LAMB3: variants seen among roughly 807,000 people sequenced by gnomAD.
LAMB3 encodes the protein laminin subunit beta-3.
In LAMB3, 104 loss-of-function variants were observed where a neutral mutation model predicts 140.3. The ratio of observed to expected loss-of-function variants is 0.74; its 90% CI spans 0.63 to 0.87. LAMB3 has a LOEUF of 0.87. Among genes scored for constraint, LAMB3 ranks in the 40% least tolerant of loss-of-function variants. The probability of loss-of-function intolerance (pLI) is 0.00; values close to 1 mark genes in which losing one functional copy is unlikely to be tolerated. For missense variants in LAMB3, 1,531 were observed against 1,575.2 expected (o/e 0.97, Z 0.47); for synonymous variants, 592 against 602.9 (o/e 0.98, Z 0.26).
chr1:209,649,929 C>G, intron 3 of LAMB3, 35 bp downstream of exon 3: 1 of 1,613,282 alleles, frequency 6.2e-7, no homozygotes, highest in African/African-American at 1.3e-5. Context: ...CCCCTCCCAT[C>G]CCGCCTTCCT....
intron 3 of LAMB3, among the ~76,000 whole-genome samples, chr1:209,645,698 A>C (rs2076510846): frequency 6.7e-6 from 1 of 150,114 alleles, no homozygotes. Context: ...CCTGGGTGGC[A>C]GAGCAAGACT....
At chr1:209,620,299 A>T (rs565194484) in intron 18 of LAMB3, among the ~76,000 whole-genome samples, 93 of 152,328 alleles carry the variant, frequency 6.1e-4, no homozygotes, top group African/African-American at 2.2e-3. Context: ...ACAAGGAAGT[A>T]CAGCTTTGAG....
intron 3 of LAMB3, among the ~76,000 whole-genome samples, chr1:209,642,028 C>A (rs1352853661): frequency 6.6e-6 from 1 of 152,138 alleles, no homozygotes; most frequent in African/African-American, 2.4e-5. Flanking sequence ...CAAGAGAGTG[C>A]CAGAAACAAG....
At chr1:209,638,688 C>T (rs1405230663) in intron 3 of LAMB3, 40 bp from the exon 4 acceptor site, 1 of 1,378,256 alleles carries the variant, frequency 7.3e-7, no homozygotes, top group Non-Finnish European at 1.0e-6. Flanking sequence ...GAGGTGGGGT[C>T]CTGATAGAAT....
In LAMB3 at chr1:209,638,617, C is replaced by G. The variant is rs2076427718; in HGVS notation, c.215G>C (p.Arg72Thr). 6.2e-7 allele frequency: 1 copy of G among 1,613,852 alleles called. No individual in the cohort carries two copies. The highest frequency in any genetic ancestry group is 1.3e-5 in the African/African-American group (1 of 74,920). Residue 72 changes from arginine to threonine, a missense_variant, in exon 4 of 23, where the codon AGG (arginine) becomes ACG (threonine). Arg to Thr is a moderately conservative substitution (Grantham distance 71). Transcript: ENST00000356082. Reference protein sequence around the residue: ...WQMKCCKCDSRQPHNYYSHRV... With the variant: ...WQMKCCKCDSTQPHNYYSHRV... ...GTGACTGTAGTAGTTGTGAGGCTGC[C>G]TGGAGTCACACTTGCAGCATTTCAT...
In LAMB3 at chr1:209,630,678, C is replaced by A. The variant is rs770733108; in HGVS notation, c.880G>T (p.Ala294Ser). ...NTAGPNCERC[A>S]PFYNNRPWRP... ...CAGGGCCGGTTGTTGTAGAAGGGTG[C>A]ACAGCGCTCACAATTTGGGCCGGCA... The change falls in exon 9 of 23, where the codon GCA becomes TCA. Residue 294 changes from alanine to serine, a missense_variant. By Grantham distance (99) the Ala-to-Ser change is moderately conservative. Transcript: ENST00000356082. 6.2e-7 allele frequency: 1 copy of A among 1,613,966 alleles called. No individual in the cohort carries two copies. Among genetic ancestry groups the A allele is most frequent in the African/African-American group, 1.3e-5 (1 of 74,918 alleles).
chr1:209,617,594 G>C lies in LAMB3; in HGVS notation c.3052-8C>G, dbSNP rs1394585501. ...CCGCAGTACCTGCTGAACCTTTGTG[G>C]AAAGAGGGAGATCTGGCCTTTGTGG... On this transcript the variant is annotated splice_polypyrimidine_tract_variant and splice_region_variant and intron_variant, in intron 20 of 22. Coordinates refer to ENST00000356082, the MANE Select transcript of LAMB3 (RefSeq NM_000228.3). 4 of 1,613,526 alleles carry C rather than the reference G, an allele frequency of 2.5e-6. No homozygotes were observed. In the African/African-American group the frequency reaches 5.3e-5, roughly 21 times the overall value.
intron 22 of LAMB3, among the ~76,000 whole-genome samples, chr1:209,616,252 G>C (rs1457589323): frequency 2.0e-5 from 3 of 152,006 alleles, no homozygotes; most frequent in Non-Finnish European, 4.4e-5. Flanking sequence ...CAGAGAAAAT[G>C]GTCCCATTAA....
rs374239232 is a variant in LAMB3, at chr1:209,625,817, G to A, written c.1807C>T (p.Arg603Cys). The change falls in exon 14 of 23, where the codon CGC becomes TGC. Residue 603 changes from arginine to cysteine, a missense_variant. Transcript: ENST00000356082. Reference sequence around the variant, plus strand: ...GACCACAGGCTGGCGGTGGCATTGCGGAGTCTACCAAAGCGCAGGGCCTGC... The same window carrying A: ...GACCACAGGCTGGCGGTGGCATTGCAGAGTCTACCAAAGCGCAGGGCCTGC... The part of the protein sequence containing the change: ...REQALRFGRL[R>C]NATASLWSGP... The A allele has an allele frequency of 3.3e-5, 54 of 1,613,996 alleles. No individual in the cohort carries two copies. The highest frequency in any genetic ancestry group is 1.6e-4 in the Middle Eastern group (1 of 6,084).
At chr1:209,638,882 T>C (rs1475748810) in intron 3 of LAMB3, among the ~76,000 whole-genome samples, 2 of 151,128 alleles carry the variant, frequency 1.3e-5, no homozygotes, top group Non-Finnish European at 2.9e-5. Flanking sequence ...GAATGGTGAA[T>C]AGATGTGTGA....
Position 209,623,007 on chromosome 1 carries a change from G to A in LAMB3, c.2531C>T (p.Ala844Val). The change falls in exon 17 of 23, where the codon GCC (alanine) becomes GTC (valine). Residue 844 changes from alanine to valine, a missense_variant. Ala to Val is a moderately conservative substitution (Grantham distance 64). Transcript: ENST00000356082. The surrounding 1 kb of genome is among the most constrained non-coding windows in gnomAD (Gnocchi z 4.2). ...QVAEQLRGFN[A>V]QLQRTRQMIR... ...CATCTGCCTGGTCCGCTGGAGCTGG[G>A]CATTGAAGCCCCGCAGCTGCTCAGC... 6.2e-7 allele frequency: 1 copy of A among 1,613,584 alleles called. No individual in the cohort carries two copies. Among genetic ancestry groups the A allele is most frequent in the African/African-American group, 1.3e-5 (1 of 75,000 alleles).
At chr1:209,629,575 A>G (rs1244936515) in intron 10 of LAMB3, among the ~76,000 whole-genome samples, 162 bp downstream of exon 10, 1 of 152,126 alleles carries the variant, frequency 6.6e-6, no homozygotes, top group Admixed American at 6.5e-5. Flanking sequence ...CTTGCTCAGT[A>G]ATAGCTAAAT....
Position 209,629,745 on chromosome 1 carries a change from G to C in LAMB3, c.1124C>G (p.Thr375Ser). The C allele has an allele frequency of 6.2e-7, 1 of 1,614,158 alleles. No individual in the cohort carries two copies. The highest frequency in any genetic ancestry group is 8.5e-7 in the Non-Finnish European group (1 of 1,180,010). ...NRRPGASIQETCISCECDPDG... is the reference protein window; with the variant it reads ...NRRPGASIQESCISCECDPDG... ...CCGGAGCCTCTACTCACAGATGCAG[G>C]TCTCCTGAATGGAAGCTCCCGGGCG... The change falls in exon 10 of 23, where the codon ACC becomes AGC. Residue 375 changes from threonine to serine, a missense_variant. Thr to Ser is a moderately conservative substitution (Grantham distance 58, BLOSUM62 1). Coordinates refer to ENST00000356082, the MANE Select transcript of LAMB3 (RefSeq NM_000228.3).
chr1:209,619,799 C>T (rs998681817), intron 18 of LAMB3, among the ~76,000 whole-genome samples: 7 of 152,220 alleles, frequency 4.6e-5, no homozygotes, highest in South Asian at 2.1e-4. Flanking sequence ...TAGCTGGTCA[C>T]ACAGGTCTCA....
At chr1:209,627,031 C>T in intron 12 of LAMB3, 53 bp from the exon 13 acceptor site, 2 of 1,317,942 alleles carry the variant, frequency 1.5e-6, no homozygotes, top group Non-Finnish European at 2.2e-6. Context: ...TCTGCCTTAC[C>T]CTGGTGTCAG....
intron 3 of LAMB3, among the ~76,000 whole-genome samples, chr1:209,641,097 AAT>A (rs1491125199): frequency 6.8e-4 from 87 of 127,866 alleles, no homozygotes; most frequent in Non-Finnish European, 7.7e-4. Context: ...AAAAAAAAAA[AAT>A]TTAAAAAAAA....
chr1:209,643,823 AT>A (rs1261810882), intron 3 of LAMB3, among the ~76,000 whole-genome samples: 55 of 152,164 alleles, frequency 3.6e-4, no homozygotes, highest in Non-Finnish European at 5.3e-4. Context: ...AAAAAAAAAA[AT>A]CTAGCTGCCT....
In LAMB3 at chr1:209,649,824, T is replaced by A. The variant is rs1571841754; in HGVS notation, c.183+140A>T. 2.1e-5 allele frequency: 20 copies of A among 940,450 alleles called. No individual in the cohort carries two copies. The East Asian group carries it at 5.2e-4, about 25-fold the overall frequency. 58.3% of individuals were successfully genotyped at this position (940,450 alleles called of 1,614,324 possible). On this transcript the variant is annotated intron_variant, in intron 3 of 22. Coordinates refer to ENST00000356082, the MANE Select transcript of LAMB3 (RefSeq NM_000228.3). ...CCTTAGAGGCAAGGATCTGGCCTTATACTTTTACTGCACTCCCCAGTCCGT... is the reference window on the plus strand; with the variant it reads ...CCTTAGAGGCAAGGATCTGGCCTTAAACTTTTACTGCACTCCCCAGTCCGT...
chr1:209,643,172 G>T (rs1369417462), intron 3 of LAMB3, among the ~76,000 whole-genome samples: 1 of 152,246 alleles, frequency 6.6e-6, no homozygotes, highest in African/African-American at 2.4e-5. Flanking sequence ...AAGACAAGCT[G>T]CTAATTTATC....
Sources: allele counts gnomAD v4.1 joint callset (sites outside exome capture counted in the v4.1 genomes callset), GRCh38; gene constraint gnomAD v4.1.1; non-coding constraint Gnocchi (gnomAD v3.1); transcripts MANE v1.5; gene names NCBI Gene and HGNC (gene_info 2026-07-23, HGNC 2026-07-21).